Variants in ERICH1 observed in about 807,000 individuals in gnomAD.
ERICH1 encodes glutamate rich 1.
ERICH1 carries 56 observed loss-of-function variants against 39.6 expected under a neutral mutation model. The observed-to-expected ratio is 1.41, with a 90% CI of 1.14 to 1.77. ERICH1 has a LOEUF of 1.77. Ranked by LOEUF, ERICH1 falls within the 40% of genes most tolerant of loss-of-function variation. The pLI is 0.00. For missense variants in ERICH1, 826 were observed against 575.4 expected (o/e 1.44, Z -4.45); for synonymous variants, 313 against 223.6 (o/e 1.40, Z -3.57).
chr8:650,327 C>T (rs1026775872), intron 3 of ERICH1, among the ~76,000 whole-genome samples: 6 of 152,246 alleles, frequency 3.9e-5, no homozygotes, highest in Non-Finnish European at 8.8e-5. Context: ...TTTAGTGACA[C>T]GGTCTCAGGA....
intron 3 of ERICH1, chr8:625,849 G>A (rs1010996511): frequency 2.0e-5 from 3 of 152,204 alleles, no homozygotes; most frequent in South Asian, 2.1e-4. Flanking sequence ...ACGCAACACA[G>A]TTTTCACCTT....
At position 668,620 on chromosome 8, in the gene ERICH1, T is replaced by G; in HGVS notation, c.1236A>C (p.Pro412=). The change falls in exon 5 of 6, where the codon CCA becomes CCC. Residue 412 remains proline (P), a synonymous_variant. Coordinates refer to ENST00000262109, the MANE Select transcript of ERICH1 (RefSeq NM_207332.3). The part of the protein sequence containing the change: ...ERLKHALEMF[P]EHCTMPPDHA... Reference sequence around the variant, plus strand: ...TACCAGGAGGCATCGTGCAATGTTCTGGGAACATTTCCAGAGCATGCTTCA... The same window carrying G: ...TACCAGGAGGCATCGTGCAATGTTCGGGGAACATTTCCAGAGCATGCTTCA... The G allele has an allele frequency of 1.9e-6, 3 of 1,614,240 alleles. No individual in the cohort carries two copies. The highest frequency in any genetic ancestry group is 2.5e-6 in the Non-Finnish European group (3 of 1,180,034).
intron 5 of ERICH1, chr8:666,010 T>G (rs111792900): frequency 2.1e-5 from 3 of 145,238 alleles, no homozygotes; most frequent in African/African-American, 7.3e-5. Flanking sequence ...TTGTAAAATT[T>G]TATTTCATAA....
chr8:700,029 C>A (rs1167664426), intron 2 of ERICH1, among the ~76,000 whole-genome samples: 1 of 130,156 alleles, frequency 7.7e-6, no homozygotes, highest in South Asian at 2.5e-4. Flanking sequence ...GCGCACAGAC[C>A]CTCACAGGCG....
chr8:638,792 G>T (rs1409481366), intron 3 of ERICH1, among the ~76,000 whole-genome samples: 1 of 152,070 alleles, frequency 6.6e-6, no homozygotes, highest in African/African-American at 2.4e-5. Context: ...CATTGACCCA[G>T]AAGACTCATT....
rs543017186 is a variant in ERICH1 at position 633,089 on chromosome 8, C to T, written c.977-17805G>A. 5.9e-5 allele frequency among the ~76,000 whole-genome samples: 9 copies of T among 152,186 alleles called. 1 individual carries two copies. In the South Asian group the frequency reaches 6.2e-4, roughly 11 times the overall value. On this transcript the variant is annotated intron_variant, in intron 3 of 3. Transcript: ENST00000522706. ...CCCGCGCGGGGCCGCCCAGGACAGA[C>T]GGAAACCAGTGTGGAAACCAGTGTG...
chr8:629,856 CCACA>C (rs1563167155), intron 3 of ERICH1, among the ~76,000 whole-genome samples: 1 of 138,050 alleles, frequency 7.2e-6, no homozygotes, highest in African/African-American at 3.0e-5. Flanking sequence ...CCGTGACCAC[CCACA>C]CAGACAGAGC....
intron 2 of ERICH1, among the ~76,000 whole-genome samples, chr8:694,850 C>T (rs557593928): frequency 4.7e-4 from 72 of 152,272 alleles, no homozygotes; most frequent in African/African-American, 1.6e-3. Flanking sequence ...TGGGCGGCAG[C>T]GAGAGTTCCC....
intron 3 of ERICH1, chr8:690,851 A>T (rs1808740428): frequency 2.6e-5 from 4 of 152,296 alleles, no homozygotes; most frequent in South Asian, 2.1e-4. Context: ...TCCAAGAGAG[A>T]CCACGACAAC....
At chr8:658,993 G>A (rs13281390) in intron 3 of ERICH1, among the ~76,000 whole-genome samples, 24,996 of 105,622 alleles carry the variant, frequency 0.24, 2,558 homozygotes, top group East Asian at 0.35. Context: ...CCACATCTCC[G>A]GTGTGCACTG....
intron 4 of ERICH1, among the ~76,000 whole-genome samples, chr8:669,561 C>A (rs1051417956): frequency 2.1e-5 from 3 of 144,926 alleles, no homozygotes; most frequent in African/African-American, 7.7e-5. Context: ...GGACGCCTCC[C>A]CTGGCCCGTC....
At chr8:651,373 A>T (rs766241800) in intron 3 of ERICH1, among the ~76,000 whole-genome samples, 1 of 152,246 alleles carries the variant, frequency 6.6e-6, no homozygotes, top group Non-Finnish European at 1.5e-5. Flanking sequence ...CTTTACAAAT[A>T]TCATCCCAGG....
At chr8:695,890 C>T (rs1306165567) in intron 2 of ERICH1, among the ~76,000 whole-genome samples, 1 of 125,750 alleles carries the variant, frequency 8.0e-6, no homozygotes, top group African/African-American at 3.3e-5. Flanking sequence ...CCTCTCCTTC[C>T]TCCCCATCAG....
intron 3 of ERICH1, among the ~76,000 whole-genome samples, chr8:632,934 C>T (rs977607400): frequency 6.6e-6 from 1 of 152,230 alleles, no homozygotes; most frequent in Admixed American, 6.5e-5. Flanking sequence ...GGATGCCCCA[C>T]AGCAAAGAGC....
chr8:674,135 T>C, intron 3 of ERICH1, 88 bp from the exon 4 acceptor site: 1 of 1,421,624 alleles, frequency 7.0e-7, no homozygotes, highest in South Asian at 1.5e-5. Context: ...ATCAGGATCT[T>C]GTAGTTTTAG....
Position 703,379 on chromosome 8 carries a change from G to A in ERICH1, c.170-10767C>T, listed in dbSNP as rs149693939. ...AGTGTTGGAAAGTGAAAAGTAGACG[G>A]GATGCTGAATCCTAGAATGGCAGCC... On this transcript the variant is annotated intron_variant, in intron 2 of 5. Coordinates refer to ENST00000262109, the MANE Select transcript of ERICH1 (RefSeq NM_207332.3). Among the ~76,000 whole-genome samples, 475 of 152,298 alleles carry A rather than the reference G, an allele frequency of 3.1e-3. 2 individuals are homozygous for A. The highest frequency in any genetic ancestry group is 0.014 in the Middle Eastern group (4 of 294).
At chr8:681,084 A>G (rs1806011456) in intron 3 of ERICH1, among the ~76,000 whole-genome samples, 1 of 152,208 alleles carries the variant, frequency 6.6e-6, no homozygotes, top group South Asian at 2.1e-4. Context: ...TATGCCAGAG[A>G]GCCAGACTGG....
intron 3 of ERICH1, among the ~76,000 whole-genome samples, chr8:681,563 T>C (rs909350227): frequency 6.6e-6 from 1 of 152,224 alleles, no homozygotes; most frequent in African/African-American, 2.4e-5. Context: ...TGCAAAGCAG[T>C]GCCCTCCACC....
intron 3 of ERICH1, among the ~76,000 whole-genome samples, chr8:680,796 AGT>A (rs1439880860): frequency 6.6e-6 from 1 of 152,236 alleles, no homozygotes; most frequent in Admixed American, 6.5e-5. Flanking sequence ...ACATCCTGAC[AGT>A]GTGTGAGAGA....
Sources: allele counts gnomAD v4.1 joint callset (sites outside exome capture counted in the v4.1 genomes callset), GRCh38; gene constraint gnomAD v4.1.1; transcripts MANE v1.5; gene names NCBI Gene and HGNC (gene_info 2026-07-23, HGNC 2026-07-21).